Variants in ANKRD28 observed in about 807,000 individuals in gnomAD.
ANKRD28 encodes serine/threonine-protein phosphatase 6 regulatory ankyrin repeat subunit A.
Under a neutral mutation model 126.5 loss-of-function variants are expected in ANKRD28, and 44 were observed. The ratio of observed to expected loss-of-function variants is 0.35; its 90% CI spans 0.27 to 0.45. The LOEUF (loss-of-function observed/expected upper bound fraction) is 0.45, where lower values mean the gene tolerates loss of function less well. ANKRD28 is among the 20% of genes least tolerant of loss of function. The pLI, the probability that ANKRD28 is intolerant of heterozygous loss-of-function variation, is 1.00. For synonymous variants in ANKRD28, 442 were observed against 468.5 expected (o/e 0.94, Z 0.73); for missense variants, 1,110 against 1,316.6 (o/e 0.84, Z 2.43).
chr3:15,701,777 C>A (rs2070668976), intron 14 of ANKRD28, among the ~76,000 whole-genome samples: 1 of 152,134 alleles, frequency 6.6e-6, no homozygotes, highest in African/African-American at 2.4e-5. Context: ...CAAACTAATT[C>A]TGAGGACATG....
chr3:15,687,940 A>G (rs1575152571), intron 18 of ANKRD28, among the ~76,000 whole-genome samples: 1 of 152,218 alleles, frequency 6.6e-6, no homozygotes, highest in East Asian at 1.9e-4. Context: ...ACCTCCAGGA[A>G]AAAAAACCCT....
chr3:15,737,307 T>C, intron 4 of ANKRD28, 74 bp from the exon 5 acceptor site: 1 of 1,245,330 alleles, frequency 8.0e-7, no homozygotes, highest in East Asian at 2.5e-5. Flanking sequence ...ATAGTGTGCG[T>C]GTGTGTGTAT....
chr3:15,695,375 C>T (rs776816877), intron 15 of ANKRD28, among the ~76,000 whole-genome samples, 161 bp from the exon 16 acceptor site: 6 of 152,050 alleles, frequency 3.9e-5, no homozygotes, highest in African/African-American at 7.2e-5. Flanking sequence ...TCACAACAGA[C>T]GTCAAATCTA....
At position 15,794,392 on chromosome 3, in the gene ANKRD28, A is replaced by G. The variant is rs146929107; in HGVS notation, c.201+831T>C. ...TTGCAATGGGTGCTTTCTTAAAACC[A>G]CAATCATTTCTAGGTCATCTGTTTT... On this transcript the variant is annotated intron_variant, in intron 2 of 27. Transcript: ENST00000683139. Among the ~76,000 whole-genome samples the G allele has an allele frequency of 4.4e-3, 666 of 151,966 alleles. 8 individuals carry two copies. The highest frequency in any genetic ancestry group is 0.014 in the African/African-American group (589 of 41,528).
intron 14 of ANKRD28, among the ~76,000 whole-genome samples, chr3:15,701,749 GTGTTT>G (rs1237451571): frequency 1.3e-5 from 2 of 152,104 alleles, no homozygotes; most frequent in Non-Finnish European, 2.9e-5. Flanking sequence ...AATAAGACTG[GTGTTT>G]TGTTTTGTTT....
At position 15,845,603 on chromosome 3, in the gene ANKRD28, C is replaced by T. The variant is rs540208039; in HGVS notation, c.27+13774G>A. Among the ~76,000 whole-genome samples the T allele has an allele frequency of 1.3e-4, 20 of 152,340 alleles. No individual in the cohort carries two copies. In the South Asian group the frequency reaches 3.9e-3, roughly 30 times the overall value. On this transcript the variant is annotated intron_variant, in intron 1 of 27. Coordinates refer to the ANKRD28 transcript ENST00000399451. This position sits in a 1 kb window ranked among gnomAD's most constrained non-coding sequence, Gnocchi z 4.9. ...TCTGGTTTCAACTCCACTGCTCACT[C>T]TGATGCTGAAGTCTGCTTATACATC...
rs151096934 is a variant in ANKRD28, at chr3:15,853,481, T to C, written c.27+5896A>G. On this transcript the variant is annotated intron_variant, in intron 1 of 27. Coordinates refer to the ANKRD28 transcript ENST00000399451. This position sits in a 1 kb window ranked among gnomAD's most constrained non-coding sequence, Gnocchi z 4.2. ...TGTTTTATGGTTTTTTTTGTTTTTTTGTTTTTGAGATGGAGTCTCATTCTG... is the reference window on the plus strand; with the variant it reads ...TGTTTTATGGTTTTTTTTGTTTTTTCGTTTTTGAGATGGAGTCTCATTCTG... Among the ~76,000 whole-genome samples the C allele has an allele frequency of 4.4e-3, 663 of 152,324 alleles. 9 individuals are homozygous for C. The highest frequency in any genetic ancestry group is 0.014 in the African/African-American group (588 of 41,562).
intron 17 of ANKRD28, among the ~76,000 whole-genome samples, chr3:15,694,450 A>G (rs970278323): frequency 1.3e-5 from 2 of 151,878 alleles, no homozygotes; most frequent in African/African-American, 2.4e-5. Context: ...TCACAGGCAT[A>G]TTCTCCATAT....
chr3:15,714,676 AT>A lies in ANKRD28; in HGVS notation c.997-21del. 6.4e-7 allele frequency: 1 copy of A among 1,553,244 alleles called. No individual in the cohort carries two copies. Among genetic ancestry groups the A allele is most frequent in the Non-Finnish European group, 8.7e-7 (1 of 1,147,494 alleles). On this transcript the variant is annotated intron_variant, in intron 8 of 27. Coordinates refer to ENST00000683139, the MANE Select transcript of ANKRD28 (RefSeq NM_001349278.2). ...TTTACTCTGGGGGGGGAAGAAAAAA[AT>A]TACTCACTCTACTATATCCATAATG...
chr3:15,760,405 TGA>T (rs2058393810), intron 3 of ANKRD28, among the ~76,000 whole-genome samples: 2 of 152,216 alleles, frequency 1.3e-5, no homozygotes, highest in South Asian at 4.1e-4. Context: ...AAATTTGGTT[TGA>T]GAGTTATTTG....
intron 17 of ANKRD28, among the ~76,000 whole-genome samples, chr3:15,691,174 G>A (rs1205501485): frequency 1.3e-5 from 2 of 150,964 alleles, no homozygotes; most frequent in Non-Finnish European, 2.9e-5. Flanking sequence ...CCAGGCTGGA[G>A]TGCAGTGGCA....
At chr3:15,791,376 T>A (rs1420867112) in intron 2 of ANKRD28, among the ~76,000 whole-genome samples, 1 of 141,910 alleles carries the variant, frequency 7.0e-6, no homozygotes, top group Non-Finnish European at 1.6e-5. Flanking sequence ...GCTACAGACC[T>A]ATCGTAACCA....
chr3:15,808,936 TTTTTCTGGTCCC>T (rs2060647455), intron 1 of ANKRD28, among the ~76,000 whole-genome samples: 1 of 152,146 alleles, frequency 6.6e-6, no homozygotes, highest in African/African-American at 2.4e-5. Flanking sequence ...TTTTTACCTA[TTTTTCTGGTCCC>T]TTTTCTGGTC....
rs907632814 is a variant in ANKRD28, at chr3:15,667,373, T to C, written c.*2897A>G. 3 of 152,250 alleles carry C rather than the reference T, an allele frequency of 2.0e-5. No individual in the cohort carries two copies. Among genetic ancestry groups the C allele is most frequent in the Non-Finnish European group, 4.4e-5 (3 of 68,050 alleles). The allele number at this position is 152,250 out of a possible 1,614,324, so 9.4% of individuals were successfully genotyped here. ...ATGAGTGTCTTGTTAAAGGAGGTCATTTGCTATTACCACCATTTCACCCAA... is the reference window on the plus strand; with the variant it reads ...ATGAGTGTCTTGTTAAAGGAGGTCACTTGCTATTACCACCATTTCACCCAA... On this transcript the variant is annotated 3_prime_UTR_variant, in exon 28 of 28. Transcript: ENST00000683139.
rs953097729 is a variant in ANKRD28, at chr3:15,713,592, T to C, written c.1125A>G (p.Ile375Met). 22 of 1,611,176 alleles carry C rather than the reference T, an allele frequency of 1.4e-5. No homozygotes were observed. The highest frequency in any genetic ancestry group is 1.9e-5 in the Non-Finnish European group (22 of 1,179,048). Residue 375 changes from isoleucine to methionine, a missense_variant, in exon 10 of 28, where the codon ATA (isoleucine) becomes ATG (methionine). Transcript: ENST00000683139. The part of the protein sequence containing the change: ...EDKNGNTPLH[I>M]AARYGHELLI... The stretch of plus-strand genomic sequence containing the variant: ...GCAGCTCATGGCCATACCGTGCTGC[T>C]ATGTGCAAAGGGGTATTTCCATTCT...
In ANKRD28 at chr3:15,812,549, T is replaced by C. The variant is rs979747082; in HGVS notation, c.28-17243A>G. 6.6e-6 allele frequency among the ~76,000 whole-genome samples: 1 copy of C among 152,236 alleles called. No individual in the cohort carries two copies. Among genetic ancestry groups the C allele is most frequent in the African/African-American group, 2.4e-5 (1 of 41,464 alleles). ...AGGGTATCTGCTATTTGTTACCATTTTCTTAATCAAATTTTACTATATTAA... is the reference window on the plus strand; with the variant it reads ...AGGGTATCTGCTATTTGTTACCATTCTCTTAATCAAATTTTACTATATTAA... On this transcript the variant is annotated intron_variant, in intron 1 of 27. Coordinates refer to the ANKRD28 transcript ENST00000399451. The surrounding 1 kb of genome is among the most constrained non-coding windows in gnomAD (Gnocchi z 4.1).
intron 2 of ANKRD28, among the ~76,000 whole-genome samples, chr3:15,775,429 A>C (rs2059216504): frequency 2.0e-5 from 3 of 152,176 alleles, no homozygotes; most frequent in Admixed American, 2.0e-4. Context: ...AATTCCATTT[A>C]ATCCTGACAC....
At chr3:15,859,647 T>C in exon 1 of ANKRD28, 1 of 161,830 alleles carries the variant, frequency 6.2e-6, no homozygotes, top group East Asian at 1.8e-4. Flanking sequence ...CCTCCTCCTC[T>C]GAGGACTCCC....
At position 15,779,636 on chromosome 3, in the gene ANKRD28, G is replaced by A. The variant is rs906159556; in HGVS notation, c.202-13324C>T. On this transcript the variant is annotated intron_variant, in intron 2 of 27. Transcript: ENST00000683139. ...GCCTTAGTTTTGCCTCATCTGTAAC[G>A]GAGTTGATTTAACTACTTAATCTTT... Among the ~76,000 whole-genome samples the A allele has an allele frequency of 3.3e-5, 5 of 152,132 alleles. No individual in the cohort carries two copies. The East Asian group carries it at 5.8e-4, about 18-fold the overall frequency.
Sources: allele counts gnomAD v4.1 joint callset (sites outside exome capture counted in the v4.1 genomes callset), GRCh38; gene constraint gnomAD v4.1.1; non-coding constraint Gnocchi (gnomAD v3.1); transcripts MANE v1.5; gene names NCBI Gene and HGNC (gene_info 2026-07-23, HGNC 2026-07-21).